Variants in ZNF536 observed in about 807,000 individuals in gnomAD.
The protein encoded by ZNF536 is zinc finger protein 536.
A neutral mutation model predicts 84.5 loss-of-function variants in ZNF536; 13 were observed. The ratio of observed to expected loss-of-function variants is 0.15; its 90% CI spans 0.10 to 0.24. The LOEUF is 0.24. ZNF536 is among the 10% of genes least tolerant of loss of function. The pLI is 1.00. For synonymous variants in ZNF536, 811 were observed against 742.5 expected (o/e 1.09, Z -1.50); for missense variants, 1,536 against 1,747.5 (o/e 0.88, Z 2.16).
chr19:30,424,203 A>G (rs1327304941), intron 1 of ZNF536, among the ~76,000 whole-genome samples: 2 of 152,044 alleles, frequency 1.3e-5, no homozygotes, highest in Non-Finnish European at 2.9e-5. Context: ...ATACCCTTAC[A>G]CTTCCTGCAC....
At chr19:30,376,527 C>T (rs2048825005) in intron 1 of ZNF536, among the ~76,000 whole-genome samples, 1 of 152,214 alleles carries the variant, frequency 6.6e-6, no homozygotes, top group Non-Finnish European at 1.5e-5. Context: ...CCACTGGATA[C>T]TCCGTGGGTC....
Position 30,548,814 on chromosome 19 carries a change from C to A in ZNF536, c.3195C>A (p.Leu1065=), listed in dbSNP as rs1237768924. 1 of 1,613,930 alleles carries A rather than the reference C, an allele frequency of 6.2e-7. No homozygotes were observed. The highest frequency in any genetic ancestry group is 1.3e-5 in the African/African-American group (1 of 74,938). The change falls in exon 4 of 5, where the codon CTC becomes CTA. Residue 1065 remains leucine (L), a synonymous_variant. Coordinates refer to ENST00000355537, the MANE Select transcript of ZNF536 (RefSeq NM_014717.3). ...TACAATCAAACAAAGACCTGGGCCTCTCCAATATGATCAGCTCTCTAGACT... is the reference window on the plus strand; with the variant it reads ...TACAATCAAACAAAGACCTGGGCCTATCCAATATGATCAGCTCTCTAGACT... ...PSLQSNKDLG[L]SNMISSLDSA...
intron 1 of ZNF536, among the ~76,000 whole-genome samples, chr19:30,235,459 T>C (rs2023418406): frequency 1.3e-5 from 2 of 152,182 alleles, no homozygotes; most frequent in African/African-American, 4.8e-5. Flanking sequence ...TGTTGTGAAT[T>C]TGTTATTAAG....
At chr19:30,641,029 T>G (rs968041600) in intron 1 of ZNF536, among the ~76,000 whole-genome samples, 1 of 152,226 alleles carries the variant, frequency 6.6e-6, no homozygotes, top group Admixed American at 6.5e-5. Context: ...TCAGTACCGC[T>G]TAGTTATCTC....
At chr19:30,382,119 G>C (rs964035859) in intron 1 of ZNF536, among the ~76,000 whole-genome samples, 1 of 152,102 alleles carries the variant, frequency 6.6e-6, no homozygotes, top group African/African-American at 2.4e-5. Flanking sequence ...TCCACGGATT[G>C]CTACCTCCCC....
At chr19:30,297,548 C>A (rs1297043925) in intron 2 of ZNF536, among the ~76,000 whole-genome samples, 1 of 152,170 alleles carries the variant, frequency 6.6e-6, no homozygotes, top group African/African-American at 2.4e-5. Flanking sequence ...ACAGGTGTCA[C>A]CTATCAAGGG....
chr19:30,268,212 C>T (rs1358723264), intron 1 of ZNF536, among the ~76,000 whole-genome samples: 1 of 152,074 alleles, frequency 6.6e-6, no homozygotes, highest in East Asian at 1.9e-4. Flanking sequence ...CTTAATTTCA[C>T]TCATCAGGAC....
intron 1 of ZNF536, among the ~76,000 whole-genome samples, chr19:30,440,062 G>C (rs1313656371): frequency 6.8e-6 from 1 of 147,046 alleles, no homozygotes; most frequent in South Asian, 2.2e-4. Context: ...CCGGGTTCCA[G>C]TGATTCTCCT....
chr19:30,606,049 G>C (rs1327453647), intron 1 of ZNF536, among the ~76,000 whole-genome samples: 1 of 151,826 alleles, frequency 6.6e-6, no homozygotes, highest in African/African-American at 2.4e-5. Flanking sequence ...AATTGAAAGA[G>C]CAGATGTTCC....
chr19:30,681,148 G>T (rs981578379), intron 1 of ZNF536, among the ~76,000 whole-genome samples: 3 of 152,164 alleles, frequency 2.0e-5, no homozygotes, highest in African/African-American at 7.2e-5. Flanking sequence ...GATCTGGGAT[G>T]AATGGCTCTG....
intron 1 of ZNF536, among the ~76,000 whole-genome samples, chr19:30,578,513 G>C (rs1335079241): frequency 6.6e-6 from 1 of 152,226 alleles, no homozygotes; most frequent in Non-Finnish European, 1.5e-5. Flanking sequence ...TCTGAGCACG[G>C]AATCTCTGGC....
At position 30,259,544 on chromosome 19, in the gene ZNF536, C is replaced by T. The variant is rs371542671; in HGVS notation, c.-189-24528C>T. ...ACAAGTCCTCTAGGTGACTCTGATG[C>T]GTACTGAGGTGTAAGAGCCACTGCT... On this transcript the variant is annotated intron_variant, in intron 1 of 5. Transcript: ENST00000585628. Among the ~76,000 whole-genome samples the T allele has an allele frequency of 6.7e-4, 102 of 152,268 alleles. 1 individual carries two copies. Among genetic ancestry groups the T allele is most frequent in the Middle Eastern group, 3.4e-3 (1 of 292 alleles).
At chr19:30,348,887 T>C (rs1354316165) in intron 2 of ZNF536, among the ~76,000 whole-genome samples, 1 of 151,784 alleles carries the variant, frequency 6.6e-6, no homozygotes, top group African/African-American at 2.4e-5. Flanking sequence ...GTTTCACAGG[T>C]TGAGAACCCA....
At chr19:30,262,417 G>T (rs148528307) in intron 1 of ZNF536, among the ~76,000 whole-genome samples, 304 of 152,336 alleles carry the variant, frequency 2.0e-3, no homozygotes, top group African/African-American at 7.0e-3. Flanking sequence ...GGCTTGTGCT[G>T]ACTCAGAGGC....
intron 1 of ZNF536, among the ~76,000 whole-genome samples, chr19:30,627,158 G>C (rs1314598824): frequency 6.6e-6 from 1 of 152,060 alleles, no homozygotes; most frequent in African/African-American, 2.4e-5. Flanking sequence ...TAAATGGTTA[G>C]GTACCAACGG....
chr19:30,445,684 G>A lies in ZNF536; in HGVS notation c.2122G>A (p.Gly708Arg), dbSNP rs535991582. The A allele has an allele frequency of 6.2e-7, 1 of 1,601,634 alleles. No homozygotes were observed. Among genetic ancestry groups the A allele is most frequent in the Non-Finnish European group, 8.5e-7 (1 of 1,173,372 alleles). The change falls in exon 2 of 5, where the codon GGG becomes AGG. Residue 708 changes from glycine (G) to arginine (R), a missense_variant. Around this residue, in one of 8 missense-constraint regions of ZNF536, gnomAD observed 148 missense variants for 205.4 expected, o/e 0.72. Coordinates refer to ENST00000355537, the MANE Select transcript of ZNF536 (RefSeq NM_014717.3). This position sits in a 1 kb window ranked among gnomAD's most constrained non-coding sequence, Gnocchi z 4.5. ...SGVGGGLSQTGSAQEDSPHPS... is the reference protein window; with the variant it reads ...SGVGGGLSQTRSAQEDSPHPS... ...GGTCGGAGGCGGCCTCTCCCAGACCGGGAGTGCCCAGGAGGACAGCCCGCA... is the reference window on the plus strand; with the variant it reads ...GGTCGGAGGCGGCCTCTCCCAGACCAGGAGTGCCCAGGAGGACAGCCCGCA...
At chr19:30,383,948 C>T (rs1376913526) in intron 1 of ZNF536, among the ~76,000 whole-genome samples, 1 of 80,572 alleles carries the variant, frequency 1.2e-5, no homozygotes. Flanking sequence ...CCCTCCCCTC[C>T]CCTCCCCTCC....
chr19:30,242,527 G>A lies in ZNF536; in HGVS notation c.-190+13854G>A, dbSNP rs548414718. ...CTACGCATGGCTGCAGTGGTGTTCC[G>A]TATTCCCTCCATCCTTTTCCATCCA... On this transcript the variant is annotated intron_variant, in intron 1 of 5. Coordinates refer to the ZNF536 transcript ENST00000585628. Among the ~76,000 whole-genome samples the A allele has an allele frequency of 1.3e-3, 192 of 152,244 alleles. 1 individual carries two copies. The highest frequency in any genetic ancestry group is 4.3e-3 in the African/African-American group (180 of 41,534).
At chr19:30,319,410 A>G (rs1004690276) in intron 2 of ZNF536, among the ~76,000 whole-genome samples, 3 of 152,124 alleles carry the variant, frequency 2.0e-5, no homozygotes, top group Non-Finnish European at 4.4e-5. Flanking sequence ...TTATTTTTCA[A>G]CTTTAAAACA....
Sources: gnomAD v4.1 joint callset for allele counts (sites outside exome capture counted in the v4.1 genomes callset) on GRCh38, gnomAD v4.1.1 for gene constraint, gnomAD v4.1.1 regional missense constraint, Gnocchi (gnomAD v3.1) non-coding constraint, MANE v1.5 for transcripts, NCBI Gene and HGNC (gene_info 2026-07-23, HGNC 2026-07-21) for gene names.